The following JPH3 variants were observed in gnomAD, a reference collection of about 807,000 sequenced individuals.
JPH3 encodes the protein junctophilin-3.
Under a neutral mutation model 59.6 loss-of-function variants are expected in JPH3, and 11 were observed. That is an observed-to-expected ratio of 0.18 (90% CI 0.12 to 0.31). JPH3 has a LOEUF of 0.31. JPH3 is among the 10% of genes least tolerant of loss of function. The pLI is 1.00. For synonymous variants in JPH3, 673 were observed against 483.6 expected, an observed-to-expected ratio of 1.39 and a Z score of -5.14; for missense variants, 1,202 against 1,105.7, an observed-to-expected ratio of 1.09 and a Z score of -1.24.
At chr16:87,613,527 G>T (rs1046540535) in intron 1 of JPH3, among the ~76,000 whole-genome samples, 1 of 152,090 alleles carries the variant, frequency 6.6e-6, no homozygotes, top group African/African-American at 2.4e-5. Flanking sequence ...CACCATGTTG[G>T]CCAGACTGGT....
intron 1 of JPH3, among the ~76,000 whole-genome samples, chr16:87,615,915 T>C (rs1317206456): frequency 6.6e-6 from 1 of 151,966 alleles, no homozygotes. Flanking sequence ...GATGGGTCAA[T>C]GAGTGGTCAA....
chr16:87,620,472 A>AGGAGAGGAGAGAGGGAGAGGG (rs1567584973), intron 1 of JPH3, among the ~76,000 whole-genome samples: 11 of 120,946 alleles, frequency 9.1e-5, no homozygotes, highest in South Asian at 3.3e-4. Flanking sequence ...GAGGGAGAGA[A>AGGAGAGGAGAGAGGGAGAGGG]GGAGAGAAGA....
chr16:87,627,444 A>G (rs967396963), intron 1 of JPH3, among the ~76,000 whole-genome samples: 2 of 152,154 alleles, frequency 1.3e-5, no homozygotes, highest in Non-Finnish European at 2.9e-5. Context: ...GATTTTATGT[A>G]GTAGACACAC....
At position 87,696,896 on chromosome 16, in the gene JPH3, CAGA is replaced by C; in HGVS notation, c.*239_*241del. 6.0e-6 allele frequency: 3 copies of C among 504,000 alleles called. No individual in the cohort carries two copies. Among genetic ancestry groups the C allele is most frequent in the South Asian group, 2.1e-5 (1 of 47,878 alleles). The allele number at this position is 504,000 out of a possible 1,614,324, so 31.2% of individuals were successfully genotyped here. The stretch of plus-strand genomic sequence containing the variant: ...TATAACACTCTGCTGTGTGGCATGG[CAGA>C]AGGAGGCCAGCACGCAGCCCCTCCA... On this transcript the variant is annotated 3_prime_UTR_variant, in exon 5 of 5. Transcript: ENST00000284262.
At chr16:87,605,874 C>T (rs1452597863) in intron 1 of JPH3, among the ~76,000 whole-genome samples, 1 of 152,240 alleles carries the variant, frequency 6.6e-6, no homozygotes, top group Non-Finnish European at 1.5e-5. Flanking sequence ...CGGTTCTTAG[C>T]TCTCCCATAA....
Position 87,697,040 on chromosome 16 carries a change from A to G in JPH3, c.*380A>G. ...GGAGGGCAGCCCGGGGCAGAGCCTCAGCCCCGCGGCCCCTGAGTGGCAGGG... is the reference window on the plus strand; with the variant it reads ...GGAGGGCAGCCCGGGGCAGAGCCTCGGCCCCGCGGCCCCTGAGTGGCAGGG... On this transcript the variant is annotated 3_prime_UTR_variant, in exon 5 of 5. Coordinates refer to ENST00000284262, the MANE Select transcript of JPH3 (RefSeq NM_020655.4). 1 of 283,368 alleles carries G rather than the reference A, an allele frequency of 3.5e-6. No individual in the cohort carries two copies. Among genetic ancestry groups the G allele is most frequent in the Non-Finnish European group, 6.9e-6 (1 of 145,340 alleles). The allele number at this position is 283,368 out of a possible 1,614,324, so 17.6% of individuals were successfully genotyped here.
At chr16:87,627,880 C>T (rs1229869957) in intron 1 of JPH3, among the ~76,000 whole-genome samples, 1 of 152,244 alleles carries the variant, frequency 6.6e-6, no homozygotes, top group African/African-American at 2.4e-5. Flanking sequence ...AGGCACCCTG[C>T]AGGCCACCCC....
At chr16:87,628,553 G>A (rs1480300917) in intron 1 of JPH3, among the ~76,000 whole-genome samples, 1 of 152,244 alleles carries the variant, frequency 6.6e-6, no homozygotes, top group African/African-American at 2.4e-5. Context: ...AGACATGCCT[G>A]TAGGGGTCCT....
At chr16:87,687,641 AG>A (rs1370868155) in intron 3 of JPH3, among the ~76,000 whole-genome samples, 1 of 152,184 alleles carries the variant, frequency 6.6e-6, no homozygotes, top group East Asian at 1.9e-4. Flanking sequence ...AAGAAGCTGC[AG>A]GGGCTTCACG....
chr16:87,647,617 C>T (rs1206931585), intron 2 of JPH3, among the ~76,000 whole-genome samples: 3 of 152,184 alleles, frequency 2.0e-5, no homozygotes, highest in Non-Finnish European at 2.9e-5. Context: ...TCCGCATGCG[C>T]ACAACTGGGG....
At chr16:87,613,648 G>T (rs913914872) in intron 1 of JPH3, among the ~76,000 whole-genome samples, 11 of 152,096 alleles carry the variant, frequency 7.2e-5, no homozygotes, top group Admixed American at 4.6e-4. Context: ...ATATATTTTT[G>T]ATCTGCAGTT....
chr16:87,659,749 A>AT (rs1017632392), intron 2 of JPH3, among the ~76,000 whole-genome samples: 1 of 151,908 alleles, frequency 6.6e-6, no homozygotes, highest in African/African-American at 2.4e-5. Context: ...AAAAAGGATG[A>AT]TTTTTAACCA....
intron 2 of JPH3, among the ~76,000 whole-genome samples, chr16:87,680,315 G>A (rs1346555831): frequency 6.6e-6 from 1 of 152,230 alleles, no homozygotes; most frequent in Non-Finnish European, 1.5e-5. Context: ...GACTGGTGAC[G>A]ATGGCCAGGG....
intron 2 of JPH3, among the ~76,000 whole-genome samples, chr16:87,669,577 G>A (rs141666084): frequency 7.9e-5 from 12 of 152,280 alleles, no homozygotes; most frequent in Admixed American, 2.6e-4. Context: ...GAGTGCAGAC[G>A]TGGGTCAGTG....
chr16:87,645,123 C>T, intron 2 of JPH3, 88 bp downstream of exon 2: 1 of 1,377,096 alleles, frequency 7.3e-7, no homozygotes, highest in East Asian at 2.4e-5. Context: ...TCGCTCAAGG[C>T]CTTGGGCTAG....
chr16:87,645,188 A>G (rs1374272535), intron 2 of JPH3, among the ~76,000 whole-genome samples, 153 bp downstream of exon 2: 1 of 152,108 alleles, frequency 6.6e-6, no homozygotes, highest in African/African-American at 2.4e-5. Flanking sequence ...ATGGAACCCT[A>G]GGGTTCCCTG....
intron 2 of JPH3, chr16:87,653,841 CAG>C (rs1490078173): frequency 6.6e-6 from 1 of 152,198 alleles, no homozygotes. Flanking sequence ...CCACGTGGGA[CAG>C]AGGCCTGCTG....
intron 2 of JPH3, chr16:87,654,604 G>A (rs1385732572): frequency 6.6e-6 from 1 of 152,246 alleles, no homozygotes; most frequent in Admixed American, 6.5e-5. Context: ...GGCAGCTGGG[G>A]AATGGGATGG....
chr16:87,660,654 G>A (rs967254975), intron 2 of JPH3, among the ~76,000 whole-genome samples: 2 of 152,180 alleles, frequency 1.3e-5, no homozygotes, highest in Non-Finnish European at 2.9e-5. Context: ...GCCGCACCTC[G>A]CAGTGGACAG....
Sources: allele counts gnomAD v4.1 joint callset (sites outside exome capture counted in the v4.1 genomes callset), GRCh38; gene constraint gnomAD v4.1.1; transcripts MANE v1.5; gene names NCBI Gene and HGNC (gene_info 2026-07-23, HGNC 2026-07-21).